The following CDCP1 variants were observed in gnomAD, a reference collection of about 807,000 sequenced individuals.
CDCP1 encodes the protein CUB domain containing protein 1.
A neutral mutation model predicts 60.2 loss-of-function variants in CDCP1; 29 were observed. The observed-to-expected ratio is 0.48, with a 90% CI of 0.36 to 0.66. The LOEUF (loss-of-function observed/expected upper bound fraction) is 0.66. Among genes scored for constraint, CDCP1 ranks in the 30% least tolerant of loss-of-function variants. The probability of loss-of-function intolerance (pLI) is 0.00; values close to 1 mark genes in which losing one functional copy is unlikely to be tolerated. For synonymous variants in CDCP1, 387 were observed against 431.1 expected, an observed-to-expected ratio of 0.90 and a Z score of 1.27; for missense variants, 876 against 1,074.3, an observed-to-expected ratio of 0.82 and a Z score of 2.58.
At chr3:45,107,933 A>G (rs1027362308) in intron 4 of CDCP1, among the ~76,000 whole-genome samples, 2 of 152,096 alleles carry the variant, frequency 1.3e-5, no homozygotes, top group African/African-American at 2.4e-5. Flanking sequence ...GCTGGCCAAC[A>G]TAGTGAAACC....
rs757487260 is a variant in CDCP1 at position 45,146,196 on chromosome 3, C to T, written c.82+10G>A. ...CTCCACGCCATCCGCCTCCAAAGCC[C>T]GGCACTCACCTGCCCCGCGCGGCAG... On this transcript the variant is annotated intron_variant, in intron 1 of 8. Coordinates refer to ENST00000296129, the MANE Select transcript of CDCP1 (RefSeq NM_022842.5). 3.8e-6 allele frequency: 6 copies of T among 1,584,984 alleles called. No individual in the cohort carries two copies. Among genetic ancestry groups the T allele is most frequent in the East Asian group, 2.4e-5 (1 of 41,174 alleles).
Position 45,110,842 on chromosome 3 carries a change from C to T in CDCP1, c.656-1G>A. ...AACACAGACTCGATGATGCACAGACCTAGTGGGAGTGGAACCCAAACCAGA... is the reference window on the plus strand; with the variant it reads ...AACACAGACTCGATGATGCACAGACTTAGTGGGAGTGGAACCCAAACCAGA... On this transcript the variant is annotated splice_acceptor_variant, in intron 3 of 8. Coordinates refer to ENST00000296129, the MANE Select transcript of CDCP1 (RefSeq NM_022842.5). LOFTEE classifies it high-confidence loss of function. 1 of 1,606,624 alleles carries T rather than the reference C, an allele frequency of 6.2e-7. No individual in the cohort carries two copies. Among genetic ancestry groups the T allele is most frequent in the South Asian group, 1.1e-5 (1 of 90,702 alleles).
intron 1 of CDCP1, among the ~76,000 whole-genome samples, chr3:45,122,011 C>G (rs978483420): frequency 1.3e-5 from 2 of 152,000 alleles, no homozygotes; most frequent in Admixed American, 6.6e-5. Context: ...CAGAGAAGAC[C>G]AAAGCTGATC....
chr3:45,146,215 G>A lies in CDCP1; in HGVS notation c.73C>T (p.Arg25Cys). The A allele has an allele frequency of 6.3e-7, 1 of 1,594,296 alleles. No homozygotes were observed. The highest frequency in any genetic ancestry group is 8.5e-7 in the Non-Finnish European group (1 of 1,172,808). ...VLLLGAARLP[R>C]GAEAFEIALP... ...AAAGCCCGGCACTCACCTGCCCCGC[G>A]CGGCAGGCGCGCCGCACCCAGCAGC... is the stretch of plus-strand genomic sequence containing the variant. Residue 25 changes from arginine (R) to cysteine (C), a missense_variant, in exon 1 of 9, where the codon CGC (arginine) becomes TGC (cysteine). This residue lies in a region of CDCP1 where 150 missense variants were observed against 138.6 expected (regional missense o/e 1.08). Coordinates refer to ENST00000296129, the MANE Select transcript of CDCP1 (RefSeq NM_022842.5).
chr3:45,103,884 T>C (rs1399847132), intron 4 of CDCP1, among the ~76,000 whole-genome samples: 1 of 152,258 alleles, frequency 6.6e-6, no homozygotes, highest in Non-Finnish European at 1.5e-5. Flanking sequence ...CTTTTCTTTA[T>C]AAATTACCTA....
At chr3:45,096,245 TG>T (rs1044825171) in intron 4 of CDCP1, among the ~76,000 whole-genome samples, 4 of 152,072 alleles carry the variant, frequency 2.6e-5, no homozygotes, top group African/African-American at 9.7e-5. Flanking sequence ...TGCAGCACTG[TG>T]ATTGTGGGAA....
At position 45,112,228 on chromosome 3, in the gene CDCP1, G is replaced by T; in HGVS notation, c.510C>A (p.Thr170=). The T allele has an allele frequency of 6.2e-7, 1 of 1,614,168 alleles. No individual in the cohort carries two copies. The highest frequency in any genetic ancestry group is 1.1e-5 in the South Asian group (1 of 91,074). The part of the protein sequence containing the change: ...THSISGRIDA[T]VVRIGTFCSN... ...TGCAGAAGGTTCCGATCCTGACCAC[G>T]GTGGCATCGATTCGGCCGCTGATGG... Residue 170 remains threonine (T), a synonymous_variant, in exon 3 of 9, where the codon ACC becomes ACA. Transcript: ENST00000296129.
At chr3:45,117,731 G>A (rs1698817846) in intron 2 of CDCP1, among the ~76,000 whole-genome samples, 1 of 152,046 alleles carries the variant, frequency 6.6e-6, no homozygotes, top group African/African-American at 2.4e-5. Context: ...CAAATAGCTG[G>A]GATTACAGGC....
intron 1 of CDCP1, among the ~76,000 whole-genome samples, chr3:45,132,540 G>C (rs1699117222): frequency 6.6e-6 from 1 of 151,682 alleles, no homozygotes. Flanking sequence ...TTAAGACAGA[G>C]ACCTGTTCTG....
intron 1 of CDCP1, among the ~76,000 whole-genome samples, chr3:45,126,622 T>C (rs1243721835): frequency 6.6e-6 from 1 of 152,142 alleles, no homozygotes; most frequent in Non-Finnish European, 1.5e-5. Context: ...AATAGTTCAT[T>C]TCCACCTTCA....
At chr3:45,126,180 T>TTCTTTCTC (rs1698994158) in intron 1 of CDCP1, among the ~76,000 whole-genome samples, 1 of 123,396 alleles carries the variant, frequency 8.1e-6, no homozygotes, top group Non-Finnish European at 1.7e-5. Flanking sequence ...CTTTCCTTCT[T>TTCTTTCTC]TCTCTCTCTC....
intron 2 of CDCP1, among the ~76,000 whole-genome samples, chr3:45,114,413 C>CTTTTTTTTTTTTT (rs10688307): frequency 1.4e-5 from 2 of 143,946 alleles, no homozygotes; most frequent in African/African-American, 2.6e-5. Context: ...CATTAACTCT[C>CTTTTTTTTTTTTT]TTTTTTTTTT....
chr3:45,136,786 C>T (rs1284118092), intron 1 of CDCP1, among the ~76,000 whole-genome samples: 1 of 152,168 alleles, frequency 6.6e-6, no homozygotes, highest in Non-Finnish European at 1.5e-5. Context: ...GGGCTATATT[C>T]ATACCTGGCT....
chr3:45,098,031 C>T (rs896644257), intron 4 of CDCP1, among the ~76,000 whole-genome samples: 17 of 152,228 alleles, frequency 1.1e-4, no homozygotes, highest in Admixed American at 2.6e-4. Flanking sequence ...CACCTCCCCA[C>T]CCCAAAGCCG....
intron 1 of CDCP1, among the ~76,000 whole-genome samples, chr3:45,125,464 T>C (rs961241221): frequency 6.6e-6 from 1 of 152,206 alleles, no homozygotes; most frequent in African/African-American, 2.4e-5. Flanking sequence ...ACTTTCCTCA[T>C]CTGCAAACAG....
At chr3:45,136,836 C>T (rs1232724305) in intron 1 of CDCP1, among the ~76,000 whole-genome samples, 1 of 152,120 alleles carries the variant, frequency 6.6e-6, no homozygotes, top group Non-Finnish European at 1.5e-5. Flanking sequence ...AGAGGCAAAA[C>T]TACGGTGACA....
At chr3:45,112,896 T>C (rs764348628) in intron 2 of CDCP1, among the ~76,000 whole-genome samples, 6 of 152,254 alleles carry the variant, frequency 3.9e-5, no homozygotes, top group Non-Finnish European at 7.3e-5. Flanking sequence ...CCCTGCTCTA[T>C]CCTGCTTTCC....
chr3:45,101,000 A>G (rs1698477240), intron 4 of CDCP1, among the ~76,000 whole-genome samples: 1 of 152,230 alleles, frequency 6.6e-6, no homozygotes, highest in South Asian at 2.1e-4. Flanking sequence ...TTCACTTTAC[A>G]TATTCATTGT....
intron 1 of CDCP1, among the ~76,000 whole-genome samples, chr3:45,136,115 C>T (rs952386687): frequency 2.6e-4 from 40 of 152,138 alleles, no homozygotes; most frequent in African/African-American, 9.4e-4. Flanking sequence ...AATTTGTTAT[C>T]AAAATGACCT....
Sources: gnomAD v4.1 joint callset for allele counts (sites outside exome capture counted in the v4.1 genomes callset) on GRCh38, gnomAD v4.1.1 for gene constraint, gnomAD v4.1.1 regional missense constraint, MANE v1.5 for transcripts, NCBI Gene and HGNC (gene_info 2026-07-23, HGNC 2026-07-21) for gene names.